Variants in HRH1 observed in about 807,000 individuals in gnomAD.
HRH1 encodes histamine receptor H1.
HRH1 carries 6 observed loss-of-function variants against 10.3 expected under a neutral mutation model. The ratio of observed to expected loss-of-function variants is 0.58; its 90% CI spans 0.32 to 1.15. The LOEUF (loss-of-function observed/expected upper bound fraction) is 1.15. HRH1 is among the 50% of genes most tolerant of loss of function. The pLI is 0.05. For missense variants in HRH1, 514 were observed against 615.3 expected, an observed-to-expected ratio of 0.84 and a Z score of 1.74; for synonymous variants, 242 against 236.7, an observed-to-expected ratio of 1.02 and a Z score of -0.21.
At chr3:11,202,170 A>G (rs1385844866) in intron 1 of HRH1, among the ~76,000 whole-genome samples, 1 of 152,176 alleles carries the variant, frequency 6.6e-6, no homozygotes, top group Non-Finnish European at 1.5e-5. Flanking sequence ...TTGGGAGGCC[A>G]AGGGGGGCAG....
chr3:11,147,190 A>G (rs1936469499), intron 1 of HRH1, among the ~76,000 whole-genome samples: 1 of 152,112 alleles, frequency 6.6e-6, no homozygotes, highest in African/African-American at 2.4e-5. Context: ...TCTTCTTGAG[A>G]CTCAAGGGCA....
chr3:11,255,010 C>G (rs1291702781), intron 1 of HRH1, among the ~76,000 whole-genome samples: 1 of 152,068 alleles, frequency 6.6e-6, no homozygotes, highest in Non-Finnish European at 1.5e-5. Flanking sequence ...AGGAACTATC[C>G]GTTACTAGGT....
At chr3:11,181,452 T>G (rs1207492311) in intron 1 of HRH1, among the ~76,000 whole-genome samples, 1 of 152,144 alleles carries the variant, frequency 6.6e-6, no homozygotes, top group Non-Finnish European at 1.5e-5. Flanking sequence ...TTTCTCCACA[T>G]CTTTGCCAAC....
chr3:11,236,961 A>G (rs1939197371), intron 1 of HRH1, among the ~76,000 whole-genome samples: 1 of 152,190 alleles, frequency 6.6e-6, no homozygotes, highest in African/African-American at 2.4e-5. Context: ...TCTTTTATTT[A>G]GTTCAATATC....
At chr3:11,229,599 T>C (rs1938988619) in intron 1 of HRH1, among the ~76,000 whole-genome samples, 1 of 152,166 alleles carries the variant, frequency 6.6e-6, no homozygotes, top group African/African-American at 2.4e-5. Flanking sequence ...CAAGAGAGTC[T>C]CAATTTGGTG....
chr3:11,168,743 G>A (rs969494792), intron 1 of HRH1, among the ~76,000 whole-genome samples: 1 of 152,208 alleles, frequency 6.6e-6, no homozygotes, highest in Non-Finnish European at 1.5e-5. Context: ...CCCCAGGGCT[G>A]GGGGTGCGGG....
At chr3:11,213,280 G>A (rs547044894) in intron 1 of HRH1, among the ~76,000 whole-genome samples, 1 of 152,262 alleles carries the variant, frequency 6.6e-6, no homozygotes, top group Non-Finnish European at 1.5e-5. Flanking sequence ...GTAAAGATTG[G>A]TTGATTGAAC....
Position 11,233,317 on chromosome 3 carries a change from T to C in HRH1, c.-35-25686T>C, listed in dbSNP as rs570591211. Reference sequence around the variant, plus strand: ...TTTATTATCTCTTTTCTCTCTGATGTTCAGATTTGGGAATTTCTATTGTTT... The same window carrying C: ...TTTATTATCTCTTTTCTCTCTGATGCTCAGATTTGGGAATTTCTATTGTTT... On this transcript the variant is annotated intron_variant, in intron 1 of 1. Transcript: ENST00000431010. 4.8e-4 allele frequency among the ~76,000 whole-genome samples: 73 copies of C among 152,278 alleles called. 1 individual carries two copies. Among genetic ancestry groups the C allele is most frequent in the Middle Eastern group, 3.4e-3 (1 of 294 alleles).
At chr3:11,138,323 A>G (rs112568938) in intron 1 of HRH1, among the ~76,000 whole-genome samples, 92 of 152,018 alleles carry the variant, frequency 6.1e-4, no homozygotes, top group African/African-American at 2.1e-3. Flanking sequence ...CGCCCAGCCT[A>G]AACAAGGAAC....
At chr3:11,170,784 T>C (rs1018311584) in intron 1 of HRH1, among the ~76,000 whole-genome samples, 5 of 152,100 alleles carry the variant, frequency 3.3e-5, no homozygotes, top group Admixed American at 1.3e-4. Context: ...CAAAGAGGAA[T>C]AGGATTTAAT....
chr3:11,229,541 T>G (rs888500688), intron 1 of HRH1, among the ~76,000 whole-genome samples: 4 of 152,200 alleles, frequency 2.6e-5, no homozygotes, highest in African/African-American at 9.6e-5. Context: ...AAATTGACTC[T>G]CACAGATTTT....
chr3:11,244,053 C>T lies in HRH1; in HGVS notation c.-35-14950C>T, dbSNP rs531938062. 9.2e-5 allele frequency among the ~76,000 whole-genome samples: 14 copies of T among 152,240 alleles called. No homozygotes were observed. The South Asian group carries it at 2.7e-3, about 29-fold the overall frequency. On this transcript the variant is annotated intron_variant, in intron 1 of 1. Coordinates refer to ENST00000431010, the MANE Select transcript of HRH1 (RefSeq NM_001098212.2). ...GGCTTCCATGAAATAGACGTGAGGT[C>T]CAGAGGTGGGCAGTCCTCGCTGATA...
chr3:11,168,885 GC>G (rs1937100591), intron 1 of HRH1, among the ~76,000 whole-genome samples: 1 of 152,226 alleles, frequency 6.6e-6, no homozygotes, highest in Non-Finnish European at 1.5e-5. Context: ...CCTTTGCTGA[GC>G]TCCAACCAGG....
intron 1 of HRH1, among the ~76,000 whole-genome samples, chr3:11,159,499 A>G (rs1329248443): frequency 1.3e-5 from 2 of 152,138 alleles, no homozygotes; most frequent in Admixed American, 6.5e-5. Flanking sequence ...TTCTTTTTCA[A>G]CCCGTTAACA....
At chr3:11,187,191 C>A (rs114293107) in intron 1 of HRH1, among the ~76,000 whole-genome samples, 179 of 152,132 alleles carry the variant, frequency 1.2e-3, no homozygotes, top group African/African-American at 4.2e-3. Flanking sequence ...CCACTACTGA[C>A]AAAGATATCT....
intron 1 of HRH1, among the ~76,000 whole-genome samples, chr3:11,253,903 G>A (rs1181989238): frequency 6.6e-6 from 1 of 152,190 alleles, no homozygotes; most frequent in African/African-American, 2.4e-5. Context: ...GGTCATCTAA[G>A]AGTGGTTTAA....
chr3:11,209,595 C>A (rs1938254723), intron 1 of HRH1, among the ~76,000 whole-genome samples: 1 of 152,182 alleles, frequency 6.6e-6, no homozygotes, highest in African/African-American at 2.4e-5. Context: ...AACAAAATGT[C>A]ATGGACTAGG....
upstream of HRH1, among the ~76,000 whole-genome samples, chr3:11,150,782 G>A (rs1936593720): frequency 6.6e-6 from 1 of 152,088 alleles, no homozygotes; most frequent in African/African-American, 2.4e-5. Context: ...TTCCCCATGT[G>A]AACAAGGAAG....
intron 1 of HRH1, among the ~76,000 whole-genome samples, chr3:11,243,805 A>T: frequency 6.6e-6 from 1 of 152,202 alleles, no homozygotes; most frequent in East Asian, 1.9e-4. Flanking sequence ...TTTTGCCTTG[A>T]GAGAGGCAGT....
Sources: gnomAD v4.1 joint callset for allele counts (sites outside exome capture counted in the v4.1 genomes callset) on GRCh38, gnomAD v4.1.1 for gene constraint, MANE v1.5 for transcripts, NCBI Gene and HGNC (gene_info 2026-07-23, HGNC 2026-07-21) for gene names.